Variants in TRMO observed in about 807,000 individuals in gnomAD.
TRMO encodes tRNA (adenine(37)-N6)-methyltransferase.
TRMO carries 30 observed loss-of-function variants against 37.2 expected under a neutral mutation model. The ratio of observed to expected loss-of-function variants is 0.81; its 90% CI spans 0.60 to 1.09. The LOEUF is 1.09. Ranked by LOEUF, TRMO falls within the 50% of genes least tolerant of loss-of-function variation. The pLI is 0.00. For synonymous variants in TRMO, 239 were observed against 199.4 expected (o/e 1.20, Z -1.67); for missense variants, 552 against 549.5 (o/e 1.00, Z -0.05).
chr9:97,904,657 C>T lies in TRMO; in HGVS notation c.*76G>A. 2 of 1,582,738 alleles carry T rather than the reference C, an allele frequency of 1.3e-6. No homozygotes were observed. The highest frequency in any genetic ancestry group is 1.7e-6 in the Non-Finnish European group (2 of 1,165,200). ...CACAAAGTGTTGCTTCTCGACACAA[C>T]ATTAGCTTGTTCAGAAAATCCAAAA... On this transcript the variant is annotated 3_prime_UTR_variant, in exon 5 of 5. Coordinates refer to ENST00000375119, the MANE Select transcript of TRMO (RefSeq NM_016481.5).
chr9:97,904,778 A>G lies in TRMO; in HGVS notation c.1281T>C (p.Val427=). ...AGGACCCCACAGGGCCAGTCATATG[A>G]ACAGGCTCAGAAGCCGGCTTGATCC... is the stretch of plus-strand genomic sequence containing the variant. ...VLRIKPASEP[V]HMTGPVGSLV... is the part of the protein sequence containing the mutation. The change falls in exon 5 of 5, where the codon GTT becomes GTC. Residue 427 remains valine (V), a synonymous_variant. Coordinates refer to ENST00000375119, the MANE Select transcript of TRMO (RefSeq NM_016481.5). 1.2e-6 allele frequency: 2 copies of G among 1,614,190 alleles called. No individual in the cohort carries two copies.
At chr9:97,920,972 A>T (rs1826599134) in intron 1 of TRMO, among the ~76,000 whole-genome samples, 1 of 152,198 alleles carries the variant, frequency 6.6e-6, no homozygotes, top group Non-Finnish European at 1.5e-5. Flanking sequence ...TCCATCCAAC[A>T]CTTTAGACTT....
At chr9:97,902,565 G>A (rs1304273411), downstream of TRMO, among the ~76,000 whole-genome samples, 1 of 152,146 alleles carries the variant, frequency 6.6e-6, no homozygotes, top group Non-Finnish European at 1.5e-5. Context: ...GCCTCCCAGA[G>A]TGCTGGGATT....
At chr9:97,909,222 G>A (rs1825997537) in intron 4 of TRMO, among the ~76,000 whole-genome samples, 1 of 152,174 alleles carries the variant, frequency 6.6e-6, no homozygotes, top group Admixed American at 6.5e-5. Flanking sequence ...AAAGTGCTGG[G>A]ATTACAGGAG....
At chr9:97,919,172 T>G (rs898876820) in intron 1 of TRMO, among the ~76,000 whole-genome samples, 4 of 152,142 alleles carry the variant, frequency 2.6e-5, no homozygotes, top group Non-Finnish European at 4.4e-5. Flanking sequence ...ATAGTAGACA[T>G]CTTAAAAATG....
chr9:97,922,179 G>A (rs1458443741), intron 1 of TRMO, among the ~76,000 whole-genome samples: 1 of 152,184 alleles, frequency 6.6e-6, no homozygotes, highest in Non-Finnish European at 1.5e-5. Flanking sequence ...CAGCTACTGA[G>A]CCAAGACTAC....
chr9:97,897,996 T>C, the TRMO span, among the ~76,000 whole-genome samples: 66 of 152,324 alleles, frequency 4.3e-4, no homozygotes, highest in African/African-American at 1.5e-3. Context: ...CCTGAGTAAC[T>C]GGGACCATAG....
intron 2 of TRMO, chr9:97,914,021 A>C (rs951416641): frequency 1.3e-5 from 2 of 153,370 alleles, no homozygotes; most frequent in Non-Finnish European, 2.9e-5. Flanking sequence ...GCATGACTAG[A>C]CCTTCCTAAA....
chr9:97,914,241 G>C (rs1255150671), intron 2 of TRMO, among the ~76,000 whole-genome samples: 2 of 152,088 alleles, frequency 1.3e-5, no homozygotes, highest in Non-Finnish European at 2.9e-5. Flanking sequence ...ACATGAATAA[G>C]TAATTCACAA....
At chr9:97,905,185 C>T (rs74997477) in intron 4 of TRMO, among the ~76,000 whole-genome samples, 193 bp from the exon 5 acceptor site, 1,559 of 152,174 alleles carry the variant, frequency 0.01, 23 homozygotes, top group African/African-American at 0.035. Context: ...ACTTGTACAC[C>T]CCCAAATTTT....
intron 2 of TRMO, among the ~76,000 whole-genome samples, chr9:97,914,583 G>T (rs1587838324): frequency 6.6e-6 from 1 of 151,998 alleles, no homozygotes; most frequent in South Asian, 2.1e-4. Flanking sequence ...GTCTAAGGGG[G>T]TTTGTCACAG....
At chr9:97,916,433 T>A in intron 1 of TRMO, 95 bp from the exon 2 acceptor site, 1 of 853,448 alleles carries the variant, frequency 1.2e-6, no homozygotes, top group Non-Finnish European at 1.8e-6. Context: ...TTCATAGTTT[T>A]AAAATCTTAG....
chr9:97,922,351 G>T, intron 1 of TRMO, 67 bp downstream of exon 1: 1 of 1,121,946 alleles, frequency 8.9e-7, no homozygotes, highest in South Asian at 1.3e-5. Flanking sequence ...CACCCCTCTC[G>T]GCAACGAAGT....
At chr9:97,918,805 T>C (rs529258066) in intron 1 of TRMO, among the ~76,000 whole-genome samples, 1 of 152,310 alleles carries the variant, frequency 6.6e-6, no homozygotes. Context: ...TAACGACTTG[T>C]TCTTTTTAGG....
downstream of TRMO, among the ~76,000 whole-genome samples, chr9:97,899,768 G>A (rs7037562): frequency 0.51 from 76,852 of 151,576 alleles, 21,077 homozygotes; most frequent in East Asian, 0.83. Flanking sequence ...GGTGGCGTGC[G>A]CCTGTAGCCC....
chr9:97,901,236 A>G (rs1472488607), downstream of TRMO, among the ~76,000 whole-genome samples: 1 of 114,124 alleles, frequency 8.8e-6, no homozygotes, highest in South Asian at 2.8e-4. Flanking sequence ...GGTGCCATTT[A>G]CGCCTAGTAG....
At chr9:97,912,823 C>G in intron 3 of TRMO, 2 of 782,032 alleles carry the variant, frequency 2.6e-6, no homozygotes, top group South Asian at 2.8e-5. Flanking sequence ...AAATGCGTAA[C>G]TAGGTTATAT....
At position 97,913,525 on chromosome 9, in the gene TRMO, C is replaced by T; in HGVS notation, c.285G>A (p.Leu95=). 6.2e-7 allele frequency: 1 copy of T among 1,612,002 alleles called. No individual in the cohort carries two copies. Among genetic ancestry groups the T allele is most frequent in the Non-Finnish European group, 8.5e-7 (1 of 1,179,236 alleles). ...GAGGCTGCACTTTTGCCTTACAGCT[C>T]AAATGACCATTTTTGTGAAAAACAA... The part of the protein sequence containing the change: ...ILFVFHKNGH[L]SCKAKVQPPR... The change falls in exon 3 of 5, where the codon TTG becomes TTA. Residue 95 remains leucine (L), a synonymous_variant. Coordinates refer to ENST00000375119, the MANE Select transcript of TRMO (RefSeq NM_016481.5).
At chr9:97,909,527 G>C (rs959026504) in intron 4 of TRMO, among the ~76,000 whole-genome samples, 1 of 152,218 alleles carries the variant, frequency 6.6e-6, no homozygotes, top group Non-Finnish European at 1.5e-5. Context: ...CTCTGTGCCA[G>C]AGGCTGAGCT....
Sources: allele counts gnomAD v4.1 joint callset (sites outside exome capture counted in the v4.1 genomes callset), GRCh38; gene constraint gnomAD v4.1.1; transcripts MANE v1.5; gene names NCBI Gene and HGNC (gene_info 2026-07-23, HGNC 2026-07-21).